Variants in SEC24B observed in about 807,000 individuals in gnomAD.
SEC24B encodes the protein SEC24 homolog B, COPII component, also known as protein transport protein Sec24B.
SEC24B carries 45 observed loss-of-function variants against 142.8 expected under a neutral mutation model. The ratio of observed to expected loss-of-function variants is 0.32; its 90% CI spans 0.25 to 0.40. The LOEUF is 0.40. SEC24B is among the 10% of genes least tolerant of loss of function. The pLI is 1.00. For synonymous variants in SEC24B, 574 were observed against 568.2 expected (o/e 1.01, Z -0.15); for missense variants, 1,409 against 1,526.8 (o/e 0.92, Z 1.29).
intron 3 of SEC24B, among the ~76,000 whole-genome samples, chr4:109,479,524 G>A (rs751580459): frequency 6.6e-6 from 1 of 152,120 alleles, no homozygotes; most frequent in Non-Finnish European, 1.5e-5. Context: ...ACCCCTTGCC[G>A]GCTGTAGCTC....
intron 5 of SEC24B, among the ~76,000 whole-genome samples, chr4:109,492,640 T>C (rs1342215463): frequency 6.6e-6 from 1 of 152,200 alleles, no homozygotes; most frequent in African/African-American, 2.4e-5. Flanking sequence ...TGAGCATCTG[T>C]AGCAGTAATG....
Position 109,481,718 on chromosome 4 carries a change from G to A in SEC24B, c.1102G>A (p.Ala368Thr), listed in dbSNP as rs762396474. The stretch of plus-strand genomic sequence containing the variant: ...ATATGTTAATAACCAAGCTAGCTCC[G>A]CACCAACTCCCTTGTCATCAACTTC... ...GEYVNNQASS[A>T]PTPLSSTSDD... is the part of the protein sequence containing the mutation. The change falls in exon 4 of 24, where the codon GCA becomes ACA. Residue 368 changes from alanine to threonine, a missense_variant. Physicochemically the swap from Ala to Thr is moderately conservative, Grantham distance 58. Coordinates refer to ENST00000265175, the MANE Select transcript of SEC24B (RefSeq NM_006323.5). The A allele has an allele frequency of 2.8e-5, 45 of 1,613,600 alleles. No individual in the cohort carries two copies. Among genetic ancestry groups the A allele is most frequent in the Admixed American group, 5.0e-5 (3 of 59,998 alleles).
In SEC24B at chr4:109,463,129, C is replaced by T; in HGVS notation, c.362C>T (p.Pro121Leu). 6.2e-7 allele frequency: 1 copy of T among 1,614,118 alleles called. No homozygotes were observed. The highest frequency in any genetic ancestry group is 8.5e-7 in the Non-Finnish European group (1 of 1,179,992). ...PGAQQLYSRG[P>L]PAPHIVGSTL... ...GCACAGCAGTTGTACAGCAGGGGTCCTCCTGCCCCTCATATTGTGGGATCC... is the reference window on the plus strand; with the variant it reads ...GCACAGCAGTTGTACAGCAGGGGTCTTCCTGCCCCTCATATTGTGGGATCC... Residue 121 changes from proline to leucine, a missense_variant, in exon 2 of 24, where the codon CCT becomes CTT. This residue lies in a region of SEC24B where 709 missense variants were observed against 673.5 expected (regional missense o/e 1.05). Transcript: ENST00000265175.
chr4:109,476,221 A>G (rs1413360578), intron 3 of SEC24B, among the ~76,000 whole-genome samples: 1 of 152,170 alleles, frequency 6.6e-6, no homozygotes, highest in Admixed American at 6.5e-5. Context: ...TCCTGGCCTC[A>G]AGTGATCTGC....
chr4:109,481,711 T>C lies in SEC24B; in HGVS notation c.1095T>C (p.Ala365=). 1 of 1,613,880 alleles carries C rather than the reference T, an allele frequency of 6.2e-7. No homozygotes were observed. Among genetic ancestry groups the C allele is most frequent in the Non-Finnish European group, 8.5e-7 (1 of 1,179,794 alleles). The change falls in exon 4 of 24, where the codon GCT becomes GCC. Residue 365 remains alanine, a synonymous_variant. Transcript: ENST00000265175. ...ATGGTGAATATGTTAATAACCAAGCTAGCTCCGCACCAACTCCCTTGTCAT... is the reference window on the plus strand; with the variant it reads ...ATGGTGAATATGTTAATAACCAAGCCAGCTCCGCACCAACTCCCTTGTCAT... ...VQYGEYVNNQ[A]SSAPTPLSST...
chr4:109,478,638 C>A (rs1026152611), intron 3 of SEC24B, among the ~76,000 whole-genome samples: 1 of 152,178 alleles, frequency 6.6e-6, no homozygotes, highest in Admixed American at 6.5e-5. Flanking sequence ...AACCCAGAGT[C>A]CTCTTCTTTA....
chr4:109,485,444 A>G (rs1003772379), intron 4 of SEC24B, among the ~76,000 whole-genome samples: 3 of 152,230 alleles, frequency 2.0e-5, no homozygotes, highest in Non-Finnish European at 4.4e-5. Flanking sequence ...AAACGGCCAG[A>G]GTAGGTGGGA....
In SEC24B at chr4:109,493,010, G is replaced by A. The variant is rs114360497; in HGVS notation, c.1246+1603G>A. Among the ~76,000 whole-genome samples the A allele has an allele frequency of 2.8e-3, 424 of 151,688 alleles. 2 individuals carry two copies. Among genetic ancestry groups the A allele is most frequent in the African/African-American group, 9.7e-3 (403 of 41,364 alleles). On this transcript the variant is annotated intron_variant, in intron 5 of 23. Coordinates refer to ENST00000265175, the MANE Select transcript of SEC24B (RefSeq NM_006323.5). ...GTTGGGATAATAGGCTTGAGCCTTT[G>A]CACCCAGCGCCATTGTTTTTTTTTA...
intron 5 of SEC24B, among the ~76,000 whole-genome samples, chr4:109,492,180 G>C (rs866855266): frequency 6.7e-6 from 1 of 149,834 alleles, no homozygotes; most frequent in Non-Finnish European, 1.5e-5. Flanking sequence ...ATGCTATCTT[G>C]CTATCACTAT....
chr4:109,525,330 G>C lies in SEC24B; in HGVS notation c.2633-16G>C, dbSNP rs369646996. The C allele has an allele frequency of 6.0e-5, 93 of 1,556,380 alleles. No individual in the cohort carries two copies. The highest frequency in any genetic ancestry group is 2.8e-4 in the Admixed American group (14 of 50,514). On this transcript the variant is annotated splice_polypyrimidine_tract_variant and intron_variant, in intron 15 of 23. Transcript: ENST00000265175. ...ATTATTTCTATAGCTAATACTTTTT[G>C]TATTTCTCTCTAAAGCTTGCATGTC...
rs758824984 is a variant in SEC24B, at chr4:109,532,678, C to T, written c.3430C>T (p.Pro1144Ser). 6.2e-7 allele frequency: 1 copy of T among 1,613,778 alleles called. No individual in the cohort carries two copies. Among genetic ancestry groups the T allele is most frequent in the Non-Finnish European group, 8.5e-7 (1 of 1,179,718 alleles). Residue 1144 changes from proline to serine, a missense_variant, in exon 21 of 24, where the codon CCT (proline) becomes TCT (serine). Pro to Ser is a moderately conservative substitution (Grantham distance 74). This residue lies in a region of SEC24B where 700 missense variants were observed against 853.3 expected (regional missense o/e 0.82). Transcript: ENST00000265175. ...HVNDRIVPQP[P>S]LQKLSAEKLT... is the part of the protein sequence containing the mutation. ...TAATGACAGGATTGTACCACAGCCA[C>T]CTCTTCAAAAATTGTCTGCAGAGAA... is the stretch of plus-strand genomic sequence containing the variant.
At chr4:109,479,819 A>T (rs1406971638) in intron 3 of SEC24B, among the ~76,000 whole-genome samples, 1 of 151,498 alleles carries the variant, frequency 6.6e-6, no homozygotes, top group Admixed American at 6.6e-5. Flanking sequence ...TATTACTTGA[A>T]CCTATTTTAC....
intron 9 of SEC24B, 42 bp downstream of exon 9, chr4:109,512,125 G>GGT: frequency 6.5e-7 from 1 of 1,526,924 alleles, no homozygotes; most frequent in South Asian, 1.2e-5. Flanking sequence ...CCTATTTTCA[G>GGT]GTTTTTTTTT....
Position 109,539,663 on chromosome 4 carries a change from G to C in SEC24B, c.3795G>C (p.Gln1265His), listed in dbSNP as rs745970283. 3 of 1,601,364 alleles carry C rather than the reference G, an allele frequency of 1.9e-6. No homozygotes were observed. In the South Asian group the frequency reaches 3.3e-5, roughly 18 times the overall value. Reference sequence around the variant, plus strand: ...AATTTTTGCTTCATGTTCAGCAGCAGATTTGTAAGTGAAGTAGAATAAAAT... The same window carrying C: ...AATTTTTGCTTCATGTTCAGCAGCACATTTGTAAGTGAAGTAGAATAAAAT... ...YYEFLLHVQQ[Q>H]ICK is the part of the protein sequence containing the mutation. The change falls in exon 24 of 24, where the codon CAG becomes CAC. Residue 1265 changes from glutamine (Q) to histidine (H), a missense_variant. Physicochemically the swap from Gln to His is conservative, Grantham distance 24 (BLOSUM62 0). Around this residue, in one of 2 missense-constraint regions of SEC24B, gnomAD observed 700 missense variants for 853.3 expected, o/e 0.82. Coordinates refer to ENST00000265175, the MANE Select transcript of SEC24B (RefSeq NM_006323.5).
At position 109,521,484 on chromosome 4, in the gene SEC24B, C is replaced by T. The variant is rs756164256; in HGVS notation, c.2366C>T (p.Ala789Val). The T allele has an allele frequency of 2.0e-5, 32 of 1,613,994 alleles. No homozygotes were observed. Among genetic ancestry groups the T allele is most frequent in the Non-Finnish European group, 2.5e-5 (29 of 1,179,986 alleles). ...MFTNTRETHS[A>V]LGPALQAAFK... ...ACCAATACAAGAGAAACACACAGTGCCCTTGGTCCTGCACTTCAGGCTGCC... is the reference window on the plus strand; with the variant it reads ...ACCAATACAAGAGAAACACACAGTGTCCTTGGTCCTGCACTTCAGGCTGCC... Residue 789 changes from alanine (A) to valine (V), a missense_variant, in exon 14 of 24, where the codon GCC becomes GTC. Ala to Val is a moderately conservative substitution (Grantham distance 64). Transcript: ENST00000265175.
chr4:109,443,746 A>G (rs1193174025), intron 1 of SEC24B, among the ~76,000 whole-genome samples: 6 of 152,182 alleles, frequency 3.9e-5, no homozygotes, highest in Non-Finnish European at 8.8e-5. Context: ...AGAGTTTTGA[A>G]GAGGAAACAA....
At position 109,473,129 on chromosome 4, in the gene SEC24B, C is replaced by T; in HGVS notation, c.1003C>T (p.His335Tyr). 6.3e-7 allele frequency: 1 copy of T among 1,598,874 alleles called. No homozygotes were observed. Among genetic ancestry groups the T allele is most frequent in the Non-Finnish European group, 8.5e-7 (1 of 1,172,802 alleles). The change falls in exon 3 of 24, where the codon CAC becomes TAC. Residue 335 changes from histidine to tyrosine, a missense_variant. His to Tyr is a moderately conservative substitution (Grantham distance 83). Around this residue, in one of 2 missense-constraint regions of SEC24B, gnomAD observed 709 missense variants for 673.5 expected, o/e 1.05. Transcript: ENST00000265175. Reference protein sequence around the residue: ...SSTRTPPTANHPVEPVTSVTQ... With the variant: ...SSTRTPPTANYPVEPVTSVTQ... ...AACAAGAACACCTCCCACTGCAAAT[C>T]ACCCAGTTGAGCCTGTGACCTCAGT... is the stretch of plus-strand genomic sequence containing the variant.
chr4:109,509,992 G>T lies in SEC24B; in HGVS notation c.1674-17G>T. The T allele has an allele frequency of 6.6e-7, 1 of 1,504,780 alleles. No individual in the cohort carries two copies. The highest frequency in any genetic ancestry group is 1.2e-5 in the South Asian group (1 of 83,044). The allele number at this position is 1,504,780 out of a possible 1,614,324, so 93.2% of individuals were successfully genotyped here. On this transcript the variant is annotated splice_polypyrimidine_tract_variant and intron_variant, in intron 7 of 23. Transcript: ENST00000265175. ...TCTGATAGCTAATATCCTCCATGTT[G>T]TTTATGTTTTTTGCAGTTCATTTCG...
intron 1 of SEC24B, among the ~76,000 whole-genome samples, chr4:109,453,442 C>A (rs1368085275): frequency 2.1e-3 from 1 of 486 alleles, no homozygotes; most frequent in African/African-American, 6.9e-3. Flanking sequence ...CATTTTAGGC[C>A]CCCCCCCCCC....
Sources: gnomAD v4.1 joint callset for allele counts (sites outside exome capture counted in the v4.1 genomes callset) on GRCh38, gnomAD v4.1.1 for gene constraint, gnomAD v4.1.1 regional missense constraint, MANE v1.5 for transcripts, NCBI Gene and HGNC (gene_info 2026-07-23, HGNC 2026-07-21) for gene names.